ENTREP2: variants seen among roughly 807,000 people sequenced by gnomAD.
ENTREP2 encodes endosomal transmembrane epsin interactor 2.
At chr15:29,601,591 T>C in the ENTREP2 span, among the ~76,000 whole-genome samples, 5 of 152,196 alleles carry the variant, frequency 3.3e-5, no homozygotes, top group African/African-American at 1.2e-4. Flanking sequence ...AACATTCACA[T>C]GATCAGCTAT....
the ENTREP2 span, among the ~76,000 whole-genome samples, chr15:29,534,577 GC>G: frequency 1.7e-4 from 26 of 152,318 alleles, no homozygotes; most frequent in South Asian, 1.2e-3. Context: ...GCAATGAAAT[GC>G]CAAGATAAGA....
At chr15:29,123,138 C>T in the ENTREP2 span, 1 of 563,708 alleles carries the variant, frequency 1.8e-6, no homozygotes, top group Non-Finnish European at 3.1e-6. Context: ...ATGCAATCCC[C>T]AAAGAGACAC....
At chr15:29,556,768 C>T in the ENTREP2 span, among the ~76,000 whole-genome samples, 1 of 115,016 alleles carries the variant, frequency 8.7e-6, no homozygotes, top group African/African-American at 2.9e-5. Flanking sequence ...AGGTGCCCCC[C>T]CCCCGCCCCA....
At chr15:29,134,584 C>G in the ENTREP2 span, among the ~76,000 whole-genome samples, 8,202 of 152,268 alleles carry the variant, frequency 0.054, 770 homozygotes, top group African/African-American at 0.19. Flanking sequence ...CGTCTGAATG[C>G]GCTGTCCATA....
At chr15:29,342,734 G>A in the ENTREP2 span, among the ~76,000 whole-genome samples, 5 of 152,012 alleles carry the variant, frequency 3.3e-5, no homozygotes, top group Admixed American at 3.3e-4. Flanking sequence ...CTGTTACCAC[G>A]AGGTTCACAG....
At chr15:29,149,525 G>C in the ENTREP2 span, among the ~76,000 whole-genome samples, 1 of 152,200 alleles carries the variant, frequency 6.6e-6, no homozygotes, top group Admixed American at 6.5e-5. Context: ...GGCCCACATG[G>C]CAAGAGCCGA....
chr15:29,619,016 GC>G, the ENTREP2 span, among the ~76,000 whole-genome samples: 1 of 152,228 alleles, frequency 6.6e-6, no homozygotes, highest in African/African-American at 2.4e-5. Context: ...CCAGTGCAGA[GC>G]CACCCGGCAG....
At chr15:29,157,790 C>T in the ENTREP2 span, among the ~76,000 whole-genome samples, 4 of 149,208 alleles carry the variant, frequency 2.7e-5, no homozygotes, top group Admixed American at 6.7e-5. Context: ...AATGCAGTGG[C>T]GCGATATCGG....
chr15:29,503,673 A>C, the ENTREP2 span, among the ~76,000 whole-genome samples: 39 of 152,330 alleles, frequency 2.6e-4, 1 homozygote, highest in African/African-American at 8.9e-4. Context: ...AGTAAAGCTA[A>C]ATATCTTTTT....
At chr15:29,129,567 C>T in the ENTREP2 span, among the ~76,000 whole-genome samples, 1,365 of 152,310 alleles carry the variant, frequency 9.0e-3, 17 homozygotes, top group African/African-American at 0.027. Flanking sequence ...ACTGCAGACT[C>T]GAACTCCTGG....
At chr15:29,590,711 GA>G in the ENTREP2 span, among the ~76,000 whole-genome samples, 38 of 132,070 alleles carry the variant, frequency 2.9e-4, no homozygotes, top group African/African-American at 6.7e-4. Context: ...AAAAGAAAAA[GA>G]AAAAAAAATA....
the ENTREP2 span, among the ~76,000 whole-genome samples, chr15:29,672,110 C>T: frequency 1.3e-5 from 2 of 152,178 alleles, no homozygotes; most frequent in African/African-American, 2.4e-5. Context: ...CCTCAGCCTC[C>T]CGAGTAGCTG....
the ENTREP2 span, among the ~76,000 whole-genome samples, chr15:29,211,510 G>A: frequency 6.6e-5 from 10 of 152,208 alleles, no homozygotes; most frequent in Non-Finnish European, 2.9e-5. Context: ...GACTTCAGTA[G>A]TGTGTTGAAG....
the ENTREP2 span, among the ~76,000 whole-genome samples, chr15:29,158,164 GCTACCAAATGAAA>G: frequency 6.6e-6 from 1 of 152,146 alleles, no homozygotes; most frequent in East Asian, 1.9e-4. Context: ...TTTCGCATAT[GCTACCAAATGAAA>G]CTACTCACAG....
the ENTREP2 span, among the ~76,000 whole-genome samples, chr15:29,465,085 G>C: frequency 6.6e-6 from 1 of 152,054 alleles, no homozygotes; most frequent in African/African-American, 2.4e-5. Context: ...CGATGCGGTT[G>C]GGAGCTGCCC....
chr15:29,608,106 T>C, the ENTREP2 span, among the ~76,000 whole-genome samples: 1 of 152,164 alleles, frequency 6.6e-6, no homozygotes, highest in Admixed American at 6.5e-5. Flanking sequence ...GCTGATTAGA[T>C]TGTGCCCACC....
At chr15:29,585,330 T>C in the ENTREP2 span, among the ~76,000 whole-genome samples, 1 of 152,316 alleles carries the variant, frequency 6.6e-6, no homozygotes, top group South Asian at 2.1e-4. Flanking sequence ...TCTCTGATCA[T>C]TTTCAAATCA....
chr15:29,387,819 A>G, the ENTREP2 span, among the ~76,000 whole-genome samples: 3 of 152,178 alleles, frequency 2.0e-5, no homozygotes, highest in Non-Finnish European at 2.9e-5. Context: ...AATACCACAC[A>G]TCTACAACCA....
the ENTREP2 span, among the ~76,000 whole-genome samples, chr15:29,581,399 A>T: frequency 6.6e-6 from 1 of 152,184 alleles, no homozygotes; most frequent in Non-Finnish European, 1.5e-5. Flanking sequence ...TGATTAGATG[A>T]GTGAGGGCCA....
Sources: gnomAD v4.1 joint callset for allele counts (sites outside exome capture counted in the v4.1 genomes callset) on GRCh38, gnomAD v4.1.1 for gene constraint, MANE v1.5 for transcripts, NCBI Gene and HGNC (gene_info 2026-07-23, HGNC 2026-07-21) for gene names.